ANKRD62: variants seen among roughly 807,000 people sequenced by gnomAD.
ANKRD62 encodes ankyrin repeat domain 62.
ANKRD62 carries 61 observed loss-of-function variants against 98.8 expected under a neutral mutation model. The ratio of observed to expected loss-of-function variants is 0.62; its 90% confidence interval spans 0.50 to 0.76. The LOEUF (loss-of-function observed/expected upper bound fraction) is 0.76. Ranked by LOEUF, ANKRD62 falls within the 30% of genes least tolerant of loss-of-function variation. The pLI is 0.00. For missense variants in ANKRD62, 933 were observed against 1,082.9 expected (o/e 0.86, Z 1.94); for synonymous variants, 341 against 367.9 (o/e 0.93, Z 0.84).
At chr18:12,153,960 A>G in the ANKRD62 span, among the ~76,000 whole-genome samples, 10 of 152,356 alleles carry the variant, frequency 6.6e-5, no homozygotes, top group Admixed American at 4.6e-4. Context: ...TCAACTCAAG[A>G]TGGATTAAAC....
At chr18:12,167,022 C>T in the ANKRD62 span, among the ~76,000 whole-genome samples, 10,914 of 151,622 alleles carry the variant, frequency 0.072, 867 homozygotes, top group East Asian at 0.47. Context: ...TGGTTTCCAG[C>T]TTCATCCATG....
chr18:12,107,292 A>C lies in ANKRD62; in HGVS notation c.892-3A>C. ...TATTCTCAGTATGAAACTTTCATTG[A>C]AGGTTGAAGAAAAAATGAAGAAATG... On this transcript the variant is annotated splice_polypyrimidine_tract_variant and splice_region_variant and intron_variant, in intron 7 of 13. Transcript: ENST00000587848. 1 of 1,483,534 alleles carries C rather than the reference A, an allele frequency of 6.7e-7. No individual in the cohort carries two copies. Among genetic ancestry groups the C allele is most frequent in the South Asian group, 1.4e-5 (1 of 73,370 alleles). 91.9% of individuals were successfully genotyped at this position (1,483,534 alleles called of 1,614,324 possible).
At chr18:12,159,089 T>G in the ANKRD62 span, among the ~76,000 whole-genome samples, 1 of 152,152 alleles carries the variant, frequency 6.6e-6, no homozygotes, top group East Asian at 1.9e-4. Flanking sequence ...TATAACGACC[T>G]ATTGAGTTTA....
At chr18:12,150,142 A>G in the ANKRD62 span, among the ~76,000 whole-genome samples, 3 of 152,246 alleles carry the variant, frequency 2.0e-5, no homozygotes, top group African/African-American at 7.2e-5. Context: ...AACACAATAC[A>G]AGAATTTCAC....
intron 10 of ANKRD62, among the ~76,000 whole-genome samples, chr18:12,120,778 T>C (rs1167666388): frequency 1.3e-5 from 2 of 152,216 alleles, no homozygotes; most frequent in African/African-American, 4.8e-5. Flanking sequence ...TTTGGTTTTT[T>C]ATATGTAACT....
the ANKRD62 span, among the ~76,000 whole-genome samples, chr18:12,138,180 T>G: frequency 0.035 from 5,255 of 152,254 alleles, 109 homozygotes; most frequent in Middle Eastern, 0.079. Context: ...CTTGTGGGCA[T>G]TTAGTGCTAT....
At chr18:12,109,815 G>A (rs1909496509) in intron 8 of ANKRD62, among the ~76,000 whole-genome samples, 1 of 152,146 alleles carries the variant, frequency 6.6e-6, no homozygotes, top group Admixed American at 6.5e-5. Context: ...GAGGGTCTGT[G>A]TTGTTGTAGT....
At chr18:12,173,673 G>C in the ANKRD62 span, among the ~76,000 whole-genome samples, 1 of 152,192 alleles carries the variant, frequency 6.6e-6, no homozygotes, top group Non-Finnish European at 1.5e-5. Flanking sequence ...GCTCTTGCAA[G>C]GCAGGTCTGG....
At chr18:12,137,981 CT>C in the ANKRD62 span, among the ~76,000 whole-genome samples, 7 of 152,078 alleles carry the variant, frequency 4.6e-5, no homozygotes, top group African/African-American at 1.7e-4. Flanking sequence ...TTTTGTTGAT[CT>C]TTTCAAAAAA....
the ANKRD62 span, among the ~76,000 whole-genome samples, chr18:12,173,313 A>G: frequency 1.3e-5 from 2 of 151,896 alleles, no homozygotes; most frequent in Non-Finnish European, 1.5e-5. Context: ...TCAGATTGCA[A>G]CCCTTGCTTT....
the ANKRD62 span, among the ~76,000 whole-genome samples, chr18:12,136,888 A>T: frequency 6.6e-6 from 1 of 152,176 alleles, no homozygotes; most frequent in Non-Finnish European, 1.5e-5. Flanking sequence ...TGATTTTTGT[A>T]CATTGATTTT....
intron 12 of ANKRD62, among the ~76,000 whole-genome samples, chr18:12,124,606 C>G (rs1355347991): frequency 1.3e-5 from 2 of 151,906 alleles, no homozygotes; most frequent in African/African-American, 4.8e-5. Flanking sequence ...GTAGTTTTCC[C>G]TATTTTGCAT....
the ANKRD62 span, among the ~76,000 whole-genome samples, chr18:12,171,030 T>C: frequency 6.6e-6 from 1 of 151,826 alleles, no homozygotes; most frequent in South Asian, 2.1e-4. Flanking sequence ...CGTATGTGTG[T>C]CTCTGCACGT....
chr18:12,099,307 G>C (rs1220877855), intron 5 of ANKRD62, among the ~76,000 whole-genome samples: 1 of 152,114 alleles, frequency 6.6e-6, no homozygotes, highest in Non-Finnish European at 1.5e-5. Flanking sequence ...TTCTTTAGAA[G>C]AAGACATTGA....
chr18:12,139,986 A>C, the ANKRD62 span, among the ~76,000 whole-genome samples: 1 of 152,192 alleles, frequency 6.6e-6, no homozygotes, highest in Non-Finnish European at 1.5e-5. Context: ...AGGTACACCA[A>C]TGATATGTAG....
At chr18:12,096,353 G>C in intron 4 of ANKRD62, 51 bp downstream of exon 4, 1 of 1,023,002 alleles carries the variant, frequency 9.8e-7, no homozygotes, top group South Asian at 1.6e-5. Flanking sequence ...GTGTTCTAGA[G>C]TGGTAACAGT....
intron 10 of ANKRD62, among the ~76,000 whole-genome samples, chr18:12,118,435 C>A (rs1909713115): frequency 6.6e-6 from 1 of 151,858 alleles, no homozygotes; most frequent in Admixed American, 6.6e-5. Context: ...ATGGCGAAAC[C>A]CTGTCTCTAC....
chr18:12,124,387 C>G, intron 12 of ANKRD62, 67 bp downstream of exon 12: 1 of 508,242 alleles, frequency 2.0e-6, no homozygotes, highest in South Asian at 4.2e-5. Context: ...TAGAATATCC[C>G]TTTGACTTAG....
At chr18:12,136,328 C>A in the ANKRD62 span, among the ~76,000 whole-genome samples, 42,984 of 150,568 alleles carry the variant, frequency 0.29, 6,979 homozygotes, top group Middle Eastern at 0.38. Flanking sequence ...TGTTTTTGTC[C>A]GGTTTGTCAA....
Sources: gnomAD v4.1 joint callset for allele counts (sites outside exome capture counted in the v4.1 genomes callset) on GRCh38, gnomAD v4.1.1 for gene constraint, MANE v1.5 for transcripts, NCBI Gene and HGNC (gene_info 2026-07-23, HGNC 2026-07-21) for gene names.